PLCB1: variants seen among roughly 807,000 people sequenced by gnomAD.
PLCB1 encodes phospholipase C beta 1, also known as 1-phosphatidylinositol 4,5-bisphosphate phosphodiesterase beta-1.
A neutral mutation model predicts 161.8 loss-of-function variants in PLCB1; 46 were observed. The ratio of observed to expected loss-of-function variants is 0.28; its 90% CI spans 0.22 to 0.36. The LOEUF (loss-of-function observed/expected upper bound fraction) is 0.36, where lower values mean the gene tolerates loss of function less well. Ranked by LOEUF, PLCB1 falls within the 10% of genes least tolerant of loss-of-function variation. PLCB1 has a pLI of 1.00. For synonymous variants in PLCB1, 517 were observed against 503.7 expected (o/e 1.03, Z -0.35); for missense variants, 1,016 against 1,472.5 (o/e 0.69, Z 5.07).
intron 2 of PLCB1, among the ~76,000 whole-genome samples, chr20:8,246,377 T>C (rs1210168410): frequency 6.6e-6 from 1 of 151,932 alleles, no homozygotes; most frequent in East Asian, 1.9e-4. Flanking sequence ...AATTGAGCCA[T>C]AAAGCGCTTA....
intron 3 of PLCB1, among the ~76,000 whole-genome samples, chr20:8,582,599 A>G (rs192520686): frequency 1.4e-4 from 21 of 152,308 alleles, no homozygotes; most frequent in African/African-American, 4.3e-4. Flanking sequence ...CATATTAATA[A>G]TAGCCAAAAG....
intron 3 of PLCB1, among the ~76,000 whole-genome samples, chr20:8,525,708 G>T (rs566268984): frequency 2.0e-4 from 30 of 152,010 alleles, no homozygotes; most frequent in African/African-American, 6.5e-4. Flanking sequence ...TCAACTTTGT[G>T]CAGTCTCTTA....
chr20:8,516,474 C>T (rs1038949515), intron 3 of PLCB1, among the ~76,000 whole-genome samples: 2 of 151,882 alleles, frequency 1.3e-5, no homozygotes, highest in Non-Finnish European at 2.9e-5. Context: ...AATGAGTGAT[C>T]ATTTCAGAAC....
intron 6 of PLCB1, 100 bp downstream of exon 6, chr20:8,648,053 G>A: frequency 1.3e-6 from 1 of 792,700 alleles, no homozygotes; most frequent in Non-Finnish European, 2.0e-6. Context: ...CTAAGTGGGA[G>A]TGTGGAAATG....
At chr20:8,797,019 G>T (rs753331870) in intron 31 of PLCB1, among the ~76,000 whole-genome samples, 33 of 152,062 alleles carry the variant, frequency 2.2e-4, no homozygotes, top group Non-Finnish European at 3.7e-4. Context: ...GTGCAGAAAT[G>T]TCTTTGTTTG....
intron 3 of PLCB1, among the ~76,000 whole-genome samples, chr20:8,467,688 G>A (rs1486623975): frequency 6.6e-6 from 1 of 152,096 alleles, no homozygotes. Flanking sequence ...TAATGACATA[G>A]CATCCATCCT....
At chr20:8,317,290 A>G (rs745353819) in intron 2 of PLCB1, among the ~76,000 whole-genome samples, 1 of 152,136 alleles carries the variant, frequency 6.6e-6, no homozygotes, top group African/African-American at 2.4e-5. Context: ...GGCCTCTTAA[A>G]ACACAGATTA....
intron 22 of PLCB1, 24 bp from the exon 23 acceptor site, chr20:8,741,440 C>A (rs1489339429): frequency 2.0e-6 from 3 of 1,517,488 alleles, no homozygotes; most frequent in South Asian, 2.3e-5. Context: ...GACCTTTGAT[C>A]TAAAATATCT....
intron 2 of PLCB1, among the ~76,000 whole-genome samples, chr20:8,194,401 C>A (rs992814410): frequency 6.6e-6 from 1 of 151,944 alleles, no homozygotes; most frequent in African/African-American, 2.4e-5. Context: ...TAAGTGCACC[C>A]TGTCATTTTT....
intron 7 of PLCB1, chr20:8,651,400 C>A: frequency 1.4e-6 from 1 of 717,316 alleles, no homozygotes. Context: ...TCACTATCAC[C>A]TTTCTTCTAT....
chr20:8,492,937 CCTAA>C (rs1470141385), intron 3 of PLCB1, among the ~76,000 whole-genome samples: 8 of 151,034 alleles, frequency 5.3e-5, no homozygotes, highest in East Asian at 1.9e-4. Flanking sequence ...TACATAAGTT[CCTAA>C]CTGATAGCAT....
intron 3 of PLCB1, among the ~76,000 whole-genome samples, chr20:8,411,473 A>C (rs1421118409): frequency 6.6e-6 from 1 of 152,200 alleles, no homozygotes; most frequent in Non-Finnish European, 1.5e-5. Flanking sequence ...AGGTCTGTCT[A>C]TAAGAATTAC....
chr20:8,201,296 T>C (rs1317307733), intron 2 of PLCB1, among the ~76,000 whole-genome samples: 2 of 152,142 alleles, frequency 1.3e-5, no homozygotes, highest in African/African-American at 4.8e-5. Context: ...ACCTCTGTTT[T>C]TCTTATATTT....
intron 10 of PLCB1, among the ~76,000 whole-genome samples, chr20:8,686,540 A>G (rs1437203759): frequency 6.6e-6 from 1 of 152,220 alleles, no homozygotes; most frequent in Non-Finnish European, 1.5e-5. Context: ...AGTAATACCA[A>G]AATGATTGAA....
chr20:8,724,627 A>C, intron 15 of PLCB1, 29 bp from the exon 16 acceptor site: 1 of 1,238,848 alleles, frequency 8.1e-7, no homozygotes. Context: ...TGACTCTGGA[A>C]ATGTTTTCTT....
intron 26 of PLCB1, among the ~76,000 whole-genome samples, chr20:8,768,486 G>T (rs1364230094): frequency 6.6e-6 from 1 of 152,276 alleles, no homozygotes; most frequent in East Asian, 1.9e-4. Flanking sequence ...TTCCAAATTA[G>T]ATCACAGGCT....
Position 8,881,670 on chromosome 20 carries a change from C to G in PLCB1, c.3472C>G (p.Pro1158Ala). The change falls in exon 32 of 32, where the codon CCC becomes GCC. Residue 1158 changes from proline (P) to alanine (A), a missense_variant. Pro to Ala is a conservative substitution (Grantham distance 27). Around this residue, in one of 10 missense-constraint regions of PLCB1, gnomAD observed 398 missense variants for 445.4 expected, o/e 0.89. Transcript: ENST00000338037. The stretch of plus-strand genomic sequence containing the variant: ...ATACCAAGACAAATTCAAAAGACTG[C>G]CCCTCGAGATTTTGGAATTCGTGCA... ...QEYQDKFKRL[P>A]LEILEFVQEA... The G allele has an allele frequency of 6.2e-7, 1 of 1,614,030 alleles. No homozygotes were observed. Among genetic ancestry groups the G allele is most frequent in the Non-Finnish European group, 8.5e-7 (1 of 1,179,992 alleles).
chr20:8,465,822 C>A (rs1043559326), intron 3 of PLCB1, among the ~76,000 whole-genome samples: 19 of 150,938 alleles, frequency 1.3e-4, no homozygotes, highest in African/African-American at 4.6e-4. Context: ...AGTCAGGAAA[C>A]AACAGGTGCT....
intron 31 of PLCB1, among the ~76,000 whole-genome samples, chr20:8,858,955 G>A (rs6077443): frequency 0.28 from 42,422 of 148,956 alleles, 7,306 homozygotes; most frequent in East Asian, 0.65. Flanking sequence ...AAGTGGGACA[G>A]ATAGTTCCTC....
Sources: allele counts gnomAD v4.1 joint callset (sites outside exome capture counted in the v4.1 genomes callset), GRCh38; gene constraint gnomAD v4.1.1; regional missense constraint gnomAD v4.1.1; transcripts MANE v1.5; gene names NCBI Gene and HGNC (gene_info 2026-07-23, HGNC 2026-07-21).